The following PTPRD variants were observed in gnomAD, a reference collection of about 807,000 sequenced individuals.
PTPRD encodes receptor-type tyrosine-protein phosphatase delta.
A neutral mutation model predicts 214.5 loss-of-function variants in PTPRD; 34 were observed. The ratio of observed to expected loss-of-function variants is 0.16; its 90% CI spans 0.12 to 0.21. PTPRD has a LOEUF of 0.21. Ranked by LOEUF, PTPRD falls within the 10% of genes least tolerant of loss-of-function variation. The pLI, the probability that PTPRD is intolerant of heterozygous loss-of-function variation, is 1.00. For missense variants in PTPRD, 2,545 were observed against 2,398.7 expected (o/e 1.06, Z -1.27); for synonymous variants, 1,128 against 845.7 (o/e 1.33, Z -5.79).
chr9:8,643,040 A>C (rs576724839), intron 12 of PTPRD, among the ~76,000 whole-genome samples: 1 of 152,340 alleles, frequency 6.6e-6, no homozygotes, highest in Admixed American at 6.5e-5. Context: ...TGAAATTTGA[A>C]CAGGGTCACC....
chr9:9,451,037 A>C (rs1236015127), intron 8 of PTPRD, among the ~76,000 whole-genome samples: 1 of 151,216 alleles, frequency 6.6e-6, no homozygotes, highest in African/African-American at 2.4e-5. Flanking sequence ...CTGAGCTAGC[A>C]AGACAAAAAA....
At chr9:9,900,029 G>T (rs1381472219) in intron 5 of PTPRD, among the ~76,000 whole-genome samples, 1 of 151,970 alleles carries the variant, frequency 6.6e-6, no homozygotes, top group East Asian at 1.9e-4. Flanking sequence ...GGGAAAACAA[G>T]AAAAAAATGA....
At chr9:8,570,194 T>G (rs189957871) in intron 14 of PTPRD, among the ~76,000 whole-genome samples, 1 of 151,826 alleles carries the variant, frequency 6.6e-6, no homozygotes, top group Non-Finnish European at 1.5e-5. Flanking sequence ...TAGGGAGATT[T>G]TTATATGTAA....
intron 3 of PTPRD, among the ~76,000 whole-genome samples, chr9:10,047,183 T>C (rs2097417648): frequency 6.6e-6 from 1 of 151,968 alleles, no homozygotes; most frequent in South Asian, 2.1e-4. Context: ...AAGACTACAA[T>C]ATGAAGGAGT....
chr9:10,431,136 G>A (rs1358997057), intron 2 of PTPRD, among the ~76,000 whole-genome samples: 2 of 151,836 alleles, frequency 1.3e-5, no homozygotes, highest in Admixed American at 6.6e-5. Flanking sequence ...AGCTCTAAAA[G>A]TCTCCTTTTA....
At chr9:10,455,776 T>A (rs1335768953) in intron 2 of PTPRD, among the ~76,000 whole-genome samples, 2 of 151,640 alleles carry the variant, frequency 1.3e-5, no homozygotes, top group African/African-American at 2.4e-5. Flanking sequence ...ATGTAGATCT[T>A]TCTTCATCAT....
chr9:8,928,021 T>C (rs2098915873), intron 11 of PTPRD, among the ~76,000 whole-genome samples: 4 of 152,326 alleles, frequency 2.6e-5, no homozygotes, highest in Admixed American at 2.6e-4. Flanking sequence ...GGAGCGTCTG[T>C]TCATATCCTT....
intron 9 of PTPRD, among the ~76,000 whole-genome samples, chr9:9,381,705 TTTG>T (rs201484550): frequency 0.23 from 34,340 of 150,118 alleles, 3,976 homozygotes; most frequent in Middle Eastern, 0.37. Flanking sequence ...TTTTTTGTTT[TTTG>T]TTTTTGTTTT....
Position 9,266,334 on chromosome 9 carries a change from G to T in PTPRD, c.-202-82971C>A, listed in dbSNP as rs192149520. Reference sequence around the variant, plus strand: ...AGGGGACTTTGACACCCCATTTTGAGCAATAAATAGATCACCCAGACAAAA... The same window carrying T: ...AGGGGACTTTGACACCCCATTTTGATCAATAAATAGATCACCCAGACAAAA... On this transcript the variant is annotated intron_variant, in intron 9 of 45. Transcript: ENST00000381196. Among the ~76,000 whole-genome samples, 9 of 151,328 alleles carry T rather than the reference G, an allele frequency of 5.9e-5. No homozygotes were observed. In the East Asian group the frequency reaches 1.6e-3, roughly 26 times the overall value.
At chr9:8,451,737 T>A (rs957329545) in intron 33 of PTPRD, 11 of 310,624 alleles carry the variant, frequency 3.5e-5, no homozygotes, top group African/African-American at 2.5e-4. Context: ...TTGATCATTT[T>A]GCATAAGTTG....
chr9:9,582,732 G>C (rs187425122), intron 7 of PTPRD, among the ~76,000 whole-genome samples: 16 of 152,046 alleles, frequency 1.1e-4, no homozygotes, highest in Admixed American at 9.8e-4. Flanking sequence ...AAAGATATTT[G>C]TGTGGTATAT....
intron 8 of PTPRD, among the ~76,000 whole-genome samples, chr9:9,549,819 A>G (rs2079748778): frequency 6.6e-6 from 1 of 152,112 alleles, no homozygotes; most frequent in East Asian, 1.9e-4. Context: ...TACAAAACAC[A>G]AAATACAAAA....
At chr9:9,698,221 T>G (rs1308037018) in intron 7 of PTPRD, among the ~76,000 whole-genome samples, 1 of 152,210 alleles carries the variant, frequency 6.6e-6, no homozygotes. Flanking sequence ...CACCTCCGTC[T>G]TCCCATCAAA....
chr9:10,176,896 C>T (rs962265137), intron 3 of PTPRD, among the ~76,000 whole-genome samples: 6 of 151,868 alleles, frequency 4.0e-5, no homozygotes, highest in Admixed American at 3.9e-4. Flanking sequence ...CTTATTTATT[C>T]ACTGAAGCAC....
chr9:9,730,453 C>T (rs551654897), intron 7 of PTPRD, among the ~76,000 whole-genome samples: 1 of 152,020 alleles, frequency 6.6e-6, no homozygotes, highest in Admixed American at 6.6e-5. Context: ...GATATGTATA[C>T]ACAGATCCAA....
chr9:8,598,633 C>G (rs907149192), intron 14 of PTPRD, among the ~76,000 whole-genome samples: 2 of 152,122 alleles, frequency 1.3e-5, no homozygotes, highest in Non-Finnish European at 2.9e-5. Context: ...CCTTTTAACA[C>G]AAGCAATTAT....
chr9:10,546,342 T>C (rs2060169837), intron 2 of PTPRD, among the ~76,000 whole-genome samples: 1 of 152,002 alleles, frequency 6.6e-6, no homozygotes, highest in South Asian at 2.1e-4. Context: ...AACCAGTAGT[T>C]CTAGCTATCA....
intron 12 of PTPRD, among the ~76,000 whole-genome samples, chr9:8,711,195 C>G (rs2098326122): frequency 6.6e-6 from 1 of 151,920 alleles, no homozygotes; most frequent in Non-Finnish European, 1.5e-5. Context: ...TATATTTCAT[C>G]AGCAATATAA....
At chr9:9,901,230 A>G (rs537874809) in intron 5 of PTPRD, among the ~76,000 whole-genome samples, 1 of 152,312 alleles carries the variant, frequency 6.6e-6, no homozygotes, top group South Asian at 2.1e-4. Context: ...AGAGAAGCTT[A>G]GCATACAATA....
Sources: gnomAD v4.1 joint callset for allele counts (sites outside exome capture counted in the v4.1 genomes callset) on GRCh38, gnomAD v4.1.1 for gene constraint, MANE v1.5 for transcripts, NCBI Gene and HGNC (gene_info 2026-07-23, HGNC 2026-07-21) for gene names.